CRB1: variants seen among roughly 807,000 people sequenced by gnomAD.
CRB1 encodes crumbs cell polarity complex component 1.
A neutral mutation model predicts 120.0 loss-of-function variants in CRB1; 83 were observed. That is an observed-to-expected ratio of 0.69 (90% confidence interval 0.58 to 0.83). The LOEUF is 0.83. Ranked by LOEUF, CRB1 falls within the 40% of genes least tolerant of loss-of-function variation. The pLI is 0.00. For missense variants in CRB1, 1,699 were observed against 1,687.6 expected, an observed-to-expected ratio of 1.01 and a Z score of -0.12; for synonymous variants, 625 against 612.5, an observed-to-expected ratio of 1.02 and a Z score of -0.30.
intron 5 of CRB1, among the ~76,000 whole-genome samples, chr1:197,374,661 A>G (rs1661551578): frequency 6.6e-6 from 1 of 152,180 alleles, no homozygotes; most frequent in African/African-American, 2.4e-5. Flanking sequence ...ATTCAATTTC[A>G]CTTTCAATTC....
the CRB1 span, among the ~76,000 whole-genome samples, chr1:197,238,895 A>G: frequency 1.8e-4 from 27 of 152,066 alleles, no homozygotes; most frequent in Non-Finnish European, 1.5e-5. Context: ...TATATCACAA[A>G]AGAACAAAAA....
intron 4 of CRB1, among the ~76,000 whole-genome samples, chr1:197,349,700 T>C (rs900581252): frequency 6.6e-6 from 1 of 152,208 alleles, no homozygotes; most frequent in African/African-American, 2.4e-5. Flanking sequence ...AAATATAAAA[T>C]GAAGTTTGGA....
chr1:197,364,438 G>C (rs1660954939), intron 5 of CRB1, among the ~76,000 whole-genome samples: 1 of 151,964 alleles, frequency 6.6e-6, no homozygotes, highest in South Asian at 2.1e-4. Flanking sequence ...GGCAAATTTG[G>C]GGGCTTGTCA....
At chr1:197,314,130 C>T (rs1468224248) in intron 1 of CRB1, among the ~76,000 whole-genome samples, 2 of 152,128 alleles carry the variant, frequency 1.3e-5, no homozygotes, top group East Asian at 3.8e-4. Flanking sequence ...TTCTTTTTCT[C>T]CTCTCCCTCT....
At chr1:197,376,383 GA>G (rs1255983231) in intron 5 of CRB1, among the ~76,000 whole-genome samples, 3 of 151,670 alleles carry the variant, frequency 2.0e-5, no homozygotes, top group Non-Finnish European at 4.4e-5. Context: ...AAACCCAAAA[GA>G]AAAAAATTAA....
At chr1:197,230,454 A>AT in the CRB1 span, among the ~76,000 whole-genome samples, 71 of 151,900 alleles carry the variant, frequency 4.7e-4, no homozygotes, top group Middle Eastern at 3.4e-3. Flanking sequence ...CAAATTCTTC[A>AT]TTTTTTTTCT....
chr1:197,286,896 TTTCA>T (rs1655860841), intron 1 of CRB1, among the ~76,000 whole-genome samples: 1 of 152,048 alleles, frequency 6.6e-6, no homozygotes, highest in East Asian at 1.9e-4. Flanking sequence ...ACTTATTTTG[TTTCA>T]TTCAAGGGAA....
rs145799973 is a variant in CRB1 at position 197,435,018 on chromosome 1, A to G, written c.3155A>G (p.Gln1052Arg). 1 of 1,613,862 alleles carries G rather than the reference A, an allele frequency of 6.2e-7. No individual in the cohort carries two copies. The highest frequency in any genetic ancestry group is 1.3e-5 in the African/African-American group (1 of 74,912). The change falls in exon 9 of 12, where the codon CAA (glutamine) becomes CGA (arginine). Residue 1052 changes from glutamine (Q) to arginine (R), a missense_variant. By Grantham distance (43) the Gln-to-Arg change is conservative (BLOSUM62 1). Transcript: ENST00000367400. ...CCACTGTCCCAGACCTCCAGGTGGC[A>G]AATGGAAGTGGACAACGAAACACCT... ...TDPLSQTSRW[Q>R]MEVDNETPFV...
intron 1 of CRB1, among the ~76,000 whole-genome samples, chr1:197,297,335 T>C (rs1355775378): frequency 6.6e-6 from 1 of 152,078 alleles, no homozygotes; most frequent in Non-Finnish European, 1.5e-5. Flanking sequence ...ATTAGTTGTC[T>C]TTGGGAGTTA....
At chr1:197,226,191 G>GAGCC in the CRB1 span, among the ~76,000 whole-genome samples, 63 of 152,306 alleles carry the variant, frequency 4.1e-4, no homozygotes, top group Admixed American at 7.2e-4. Context: ...TTACAGGCAT[G>GAGCC]AGCCACTGCA....
At chr1:197,374,861 G>T (rs1471529560) in intron 5 of CRB1, among the ~76,000 whole-genome samples, 1 of 152,118 alleles carries the variant, frequency 6.6e-6, no homozygotes, top group African/African-American at 2.4e-5. Flanking sequence ...CACAGGGCTT[G>T]CTGCCCTATT....
At chr1:197,205,862 C>T in the CRB1 span, among the ~76,000 whole-genome samples, 2 of 150,646 alleles carry the variant, frequency 1.3e-5, no homozygotes, top group Non-Finnish European at 3.0e-5. Flanking sequence ...AATTCAGCTG[C>T]GAATCCATCT....
the CRB1 span, chr1:197,222,506 G>C: frequency 1.3e-6 from 1 of 768,662 alleles, no homozygotes; most frequent in South Asian, 1.3e-5. Flanking sequence ...ACCCTTTGGA[G>C]AATGCAGTTC....
intron 2 of CRB1, among the ~76,000 whole-genome samples, chr1:197,332,342 G>A (rs537726053): frequency 2.0e-5 from 3 of 152,138 alleles, no homozygotes; most frequent in Middle Eastern, 6.8e-3. Context: ...TCCACAATGA[G>A]GATGCTTTCC....
chr1:197,363,619 G>T (rs1384906722), intron 5 of CRB1, among the ~76,000 whole-genome samples: 2 of 152,124 alleles, frequency 1.3e-5, no homozygotes, highest in Admixed American at 6.5e-5. Context: ...GGCCGGCTCG[G>T]CAGGAAGGCA....
intron 11 of CRB1, among the ~76,000 whole-genome samples, chr1:197,465,160 C>A (rs896851790): frequency 6.6e-6 from 1 of 152,134 alleles, no homozygotes; most frequent in Non-Finnish European, 1.5e-5. Context: ...AATTTTATAG[C>A]AGGTTATTAA....
Position 197,438,588 on chromosome 1 carries a change from C to G in CRB1, c.3791C>G (p.Thr1264Arg), listed in dbSNP as rs1284147743. Residue 1264 changes from threonine (T) to arginine (R), a missense_variant, in exon 10 of 12, where the codon ACA (threonine) becomes AGA (arginine). Physicochemically the swap from Thr to Arg is moderately conservative, Grantham distance 71. Coordinates refer to ENST00000367400, the MANE Select transcript of CRB1 (RefSeq NM_201253.3). The part of the protein sequence containing the change: ...LPSTVCGNEK[T>R]NLTCYNGGNC... The stretch of plus-strand genomic sequence containing the variant: ...TCAACAGTCTGTGGGAATGAGAAGA[C>G]AAATCTCACTTGCTACAATGGAGGC... 5.6e-6 allele frequency: 9 copies of G among 1,612,840 alleles called. No homozygotes were observed. In the South Asian group the frequency reaches 9.9e-5, roughly 18 times the overall value.
chr1:197,344,687 G>T (rs999796625), intron 3 of CRB1, among the ~76,000 whole-genome samples: 2 of 152,124 alleles, frequency 1.3e-5, no homozygotes, highest in African/African-American at 4.8e-5. Flanking sequence ...AGTCATTCTT[G>T]TAATAGTTTA....
chr1:197,334,167 G>C (rs1659017159), intron 2 of CRB1, among the ~76,000 whole-genome samples: 1 of 152,194 alleles, frequency 6.6e-6, no homozygotes, highest in African/African-American at 2.4e-5. Context: ...GATGCTGTTA[G>C]TTTGGGGACT....
Sources: allele counts gnomAD v4.1 joint callset (sites outside exome capture counted in the v4.1 genomes callset), GRCh38; gene constraint gnomAD v4.1.1; transcripts MANE v1.5; gene names NCBI Gene and HGNC (gene_info 2026-07-23, HGNC 2026-07-21).